The following PMF1 variants were observed in gnomAD, a reference collection of about 807,000 sequenced individuals.
PMF1 encodes polyamine modulated factor 1.
In PMF1, 21 loss-of-function variants were observed where a neutral mutation model predicts 26.7. The observed-to-expected ratio is 0.79, with a 90% CI of 0.56 to 1.13. PMF1 has a LOEUF of 1.13. PMF1 is among the 50% of genes most tolerant of loss of function. The pLI is 0.00. For synonymous variants in PMF1, 105 were observed against 101.0 expected, an observed-to-expected ratio of 1.04 and a Z score of -0.24; for missense variants, 266 against 254.9, an observed-to-expected ratio of 1.04 and a Z score of -0.30.
chr1:156,235,662 C>T (rs1035381503), intron 3 of PMF1, among the ~76,000 whole-genome samples: 5 of 150,962 alleles, frequency 3.3e-5, no homozygotes, highest in Non-Finnish European at 5.9e-5. Flanking sequence ...AGGATGCTCT[C>T]GATCTCCTGA....
chr1:156,228,886 A>G (rs1053543571), intron 1 of PMF1, among the ~76,000 whole-genome samples: 4 of 152,118 alleles, frequency 2.6e-5, no homozygotes, highest in Non-Finnish European at 5.9e-5. Context: ...CCCATCGTCT[A>G]TTCTGTGTAC....
At chr1:156,238,200 C>A (rs1403935683) in intron 4 of PMF1, among the ~76,000 whole-genome samples, 1 of 152,202 alleles carries the variant, frequency 6.6e-6, no homozygotes, top group Non-Finnish European at 1.5e-5. Context: ...AATTTGAAGT[C>A]AGGTACTGTG....
rs571634246 is a variant in PMF1 at position 156,216,735 on chromosome 1, G to A, written c.161+3559G>A. Among the ~76,000 whole-genome samples the A allele has an allele frequency of 2.8e-4, 43 of 152,030 alleles. 1 individual carries two copies. The East Asian group carries it at 7.6e-3, about 27-fold the overall frequency. ...CGGCCGCGACAACCCCACCCCACTG[G>A]CTCCGTGCCGTGCGTGTCAGGCGTT... On this transcript the variant is annotated intron_variant, in intron 1 of 4. Coordinates refer to ENST00000368277, the MANE Select transcript of PMF1 (RefSeq NM_007221.4).
chr1:156,235,084 T>TA (rs1658926700), intron 3 of PMF1, among the ~76,000 whole-genome samples: 3 of 151,986 alleles, frequency 2.0e-5, no homozygotes, highest in Non-Finnish European at 2.9e-5. Flanking sequence ...TCTGTGACCT[T>TA]AATACTTAAG....
At chr1:156,220,563 A>C (rs1415903845) in intron 1 of PMF1, 1 of 151,594 alleles carries the variant, frequency 6.6e-6, no homozygotes, top group Admixed American at 6.6e-5. Context: ...CTTCCTTTAA[A>C]ACTACCCCGT....
chr1:156,239,673 C>T lies in PMF1; in HGVS notation c.*72C>T, dbSNP rs932190175. The T allele has an allele frequency of 4.7e-5, 61 of 1,303,154 alleles. No homozygotes were observed. The highest frequency in any genetic ancestry group is 8.7e-5 in the Admixed American group (5 of 57,390). The allele number at this position is 1,303,154 out of a possible 1,614,324, so 80.7% of individuals were successfully genotyped here. A position where few individuals can be genotyped will look rare whatever the true frequency, so the allele number is the denominator to read the frequency against. On this transcript the variant is annotated 3_prime_UTR_variant, in exon 5 of 5. Coordinates refer to ENST00000368277, the MANE Select transcript of PMF1 (RefSeq NM_007221.4). The stretch of plus-strand genomic sequence containing the variant: ...TGTGGTCCAGCATGCCTGGCCTGGG[C>T]GGGCTACCTCTGAGAACGGCTGAAA...
intron 1 of PMF1, among the ~76,000 whole-genome samples, chr1:156,230,858 T>G (rs1658657780): frequency 6.7e-6 from 1 of 149,726 alleles, no homozygotes. Flanking sequence ...GCCCAGGAGT[T>G]TTTTGAGACG....
chr1:156,231,629 G>A (rs1460233796), intron 1 of PMF1, among the ~76,000 whole-genome samples: 1 of 152,012 alleles, frequency 6.6e-6, no homozygotes, highest in East Asian at 1.9e-4. Flanking sequence ...CTTGAACCCA[G>A]GAGGCAGAGG....
At chr1:156,224,485 A>G (rs1572488813) in intron 1 of PMF1, among the ~76,000 whole-genome samples, 1 of 152,240 alleles carries the variant, frequency 6.6e-6, no homozygotes, top group East Asian at 1.9e-4. Context: ...TCATTAAGAA[A>G]CATTTATCAG....
chr1:156,225,282 CTTTTTTTTT>C (rs58481427), intron 1 of PMF1, among the ~76,000 whole-genome samples: 22 of 71,708 alleles, frequency 3.1e-4, no homozygotes, highest in African/African-American at 8.7e-4. Context: ...CAGTCCTCAG[CTTTTTTTTT>C]TTTTTTTTTT....
intron 1 of PMF1, chr1:156,225,710 C>T: frequency 1.0e-6 from 1 of 973,264 alleles, no homozygotes; most frequent in Non-Finnish European, 1.6e-6. Context: ...GCACTGTGTA[C>T]ACCGTGATAT....
At chr1:156,224,891 A>G (rs1658270074) in intron 1 of PMF1, among the ~76,000 whole-genome samples, 2 of 149,338 alleles carry the variant, frequency 1.3e-5, no homozygotes, top group East Asian at 3.9e-4. Context: ...GAAAAAGACC[A>G]AATGGAGAAT....
rs1659229648 is a variant in PMF1, at chr1:156,239,537, A to G, written c.565-11A>G. 2 of 1,612,064 alleles carry G rather than the reference A, an allele frequency of 1.2e-6. No individual in the cohort carries two copies. The highest frequency in any genetic ancestry group is 1.7e-6 in the Non-Finnish European group (2 of 1,178,982). On this transcript the variant is annotated splice_polypyrimidine_tract_variant and intron_variant, in intron 4 of 4. Coordinates refer to ENST00000368277, the MANE Select transcript of PMF1 (RefSeq NM_007221.4). ...GATCCCAGTTTGTCTGTTGTCTCCCATTGATTTCAGGCTCTACACAGAGAA... is the reference window on the plus strand; with the variant it reads ...GATCCCAGTTTGTCTGTTGTCTCCCGTTGATTTCAGGCTCTACACAGAGAA...
At position 156,232,330 on chromosome 1, in the gene PMF1, T is replaced by C; in HGVS notation, c.172T>C (p.Phe58Leu). The C allele has an allele frequency of 6.2e-7, 1 of 1,614,000 alleles. No homozygotes were observed. Among genetic ancestry groups the C allele is most frequent in the Non-Finnish European group, 8.5e-7 (1 of 1,179,892 alleles). The change falls in exon 2 of 5, where the codon TTC (phenylalanine) becomes CTC (leucine). Residue 58 changes from phenylalanine (F) to leucine (L), a missense_variant. Transcript: ENST00000368277. Reference protein sequence around the residue: ...KLVAAGSYQRFTDCYKCFYQL... With the variant: ...KLVAAGSYQRLTDCYKCFYQL... ...TCTCCTTCCCGCCAGCTACCAGAGA[T>C]TCACTGACTGCTATAAGTGCTTCTA... is the stretch of plus-strand genomic sequence containing the variant.
At chr1:156,231,146 G>A (rs1215514873) in intron 1 of PMF1, among the ~76,000 whole-genome samples, 1 of 150,868 alleles carries the variant, frequency 6.6e-6, no homozygotes, top group African/African-American at 2.4e-5. Context: ...GAACGCGGGA[G>A]GCGGAGCTTG....
chr1:156,233,240 G>A (rs1446431752), intron 2 of PMF1, among the ~76,000 whole-genome samples: 3 of 151,494 alleles, frequency 2.0e-5, no homozygotes, highest in African/African-American at 7.3e-5. Context: ...TACAACCTCC[G>A]CCTCCCAGGT....
chr1:156,225,563 A>C (rs752452225), intron 1 of PMF1: 1 of 1,541,962 alleles, frequency 6.5e-7, no homozygotes, highest in South Asian at 1.2e-5. Context: ...TCAGCTCTCC[A>C]CTCCTTCATT....
At position 156,213,153 on chromosome 1, in the gene PMF1, T is replaced by A. The variant is rs1449340217; in HGVS notation, c.138T>A (p.Leu46=). The change falls in exon 1 of 5, where the codon CTT becomes CTA. Residue 46 remains leucine (L), a synonymous_variant. Transcript: ENST00000368277. The part of the protein sequence containing the change: ...KLLDTMVDTF[L]QKLVAAGSYQ... ...TCGACACCATGGTGGACACTTTTCTTCAGAAGCTGGTCGCCGCCGGCAGGT... is the reference window on the plus strand; with the variant it reads ...TCGACACCATGGTGGACACTTTTCTACAGAAGCTGGTCGCCGCCGGCAGGT... 1 of 1,613,794 alleles carries A rather than the reference T, an allele frequency of 6.2e-7. No individual in the cohort carries two copies. The highest frequency in any genetic ancestry group is 1.1e-5 in the South Asian group (1 of 91,082).
intron 1 of PMF1, among the ~76,000 whole-genome samples, chr1:156,213,498 G>T (rs1344761795): frequency 1.3e-5 from 2 of 152,132 alleles, no homozygotes; most frequent in East Asian, 1.9e-4. Context: ...TTGAGATAGG[G>T]CCTTGCGTTG....
Sources: allele counts gnomAD v4.1 joint callset (sites outside exome capture counted in the v4.1 genomes callset), GRCh38; gene constraint gnomAD v4.1.1; transcripts MANE v1.5; gene names NCBI Gene and HGNC (gene_info 2026-07-23, HGNC 2026-07-21).